Variants in FAF1 observed in about 807,000 individuals in gnomAD.
FAF1 encodes Fas associated factor 1.
FAF1 carries 25 observed loss-of-function variants against 92.5 expected under a neutral mutation model. The observed-to-expected ratio is 0.27, with a 90% confidence interval of 0.20 to 0.38. The LOEUF (loss-of-function observed/expected upper bound fraction) is 0.38, where lower values mean the gene tolerates loss of function less well. FAF1 is among the 10% of genes least tolerant of loss of function. FAF1 has a pLI of 1.00. For synonymous variants in FAF1, 234 were observed against 273.2 expected (o/e 0.86, Z 1.42); for missense variants, 636 against 793.3 (o/e 0.80, Z 2.38).
chr1:50,519,415 AGAAGGAAG>A lies in FAF1; in HGVS notation c.1494+15946_1494+15953del, dbSNP rs144253773. Among the ~76,000 whole-genome samples the A allele has an allele frequency of 2.8e-3, 251 of 90,224 alleles. 5 individuals are homozygous for A. The highest frequency in any genetic ancestry group is 2.3e-3 in the Admixed American group (20 of 8,574). 59.2% of individuals were successfully genotyped at this position (90,224 alleles called of 152,430 possible). ...GGGAGGGAAGGAGGGAGGGAGGGAG[AGAAGGAAG>A]GAAGGAAGGAAGGAAGGAGGAGGGA... On this transcript the variant is annotated intron_variant, in intron 15 of 18. Transcript: ENST00000396153.
At chr1:50,636,648 G>A (rs1347284838) in intron 8 of FAF1, among the ~76,000 whole-genome samples, 5 of 152,096 alleles carry the variant, frequency 3.3e-5, no homozygotes, top group Admixed American at 1.3e-4. Context: ...GAGCCACCGC[G>A]CCTGGCCTTG....
At chr1:50,760,406 A>G (rs1047717229) in intron 4 of FAF1, among the ~76,000 whole-genome samples, 12 of 152,170 alleles carry the variant, frequency 7.9e-5, no homozygotes, top group Admixed American at 6.5e-4. Context: ...ACCACAACAC[A>G]CTTATTCCAA....
At position 50,706,050 on chromosome 1, in the gene FAF1, C is replaced by T. The variant is rs1657661575; in HGVS notation, c.552-159G>A. 5.5e-6 allele frequency: 3 copies of T among 549,480 alleles called. No individual in the cohort carries two copies. In the South Asian group the frequency reaches 8.2e-5, roughly 15 times the overall value. The allele number at this position is 549,480 out of a possible 1,614,324, so 34.0% of individuals were successfully genotyped here. ...CAGCTCCTAAAGGCAAGAGAACACA[C>T]TGAGAACAACCAAGGGGAGCTAACC... On this transcript the variant is annotated intron_variant, in intron 6 of 18. Transcript: ENST00000396153.
At chr1:50,559,667 A>G (rs1163173764) in intron 13 of FAF1, among the ~76,000 whole-genome samples, 1 of 152,216 alleles carries the variant, frequency 6.6e-6, no homozygotes, top group Non-Finnish European at 1.5e-5. Flanking sequence ...TAAGACCGCC[A>G]CTAAAAATCA....
intron 8 of FAF1, among the ~76,000 whole-genome samples, chr1:50,624,071 A>C (rs1569608614): frequency 6.6e-6 from 1 of 152,240 alleles, no homozygotes; most frequent in Non-Finnish European, 1.5e-5. Context: ...ACTGTATGCT[A>C]GTGTTGCCAC....
rs1029119237 is a variant in FAF1 at position 50,803,303 on chromosome 1, A to G, written c.115-1626T>C. On this transcript the variant is annotated intron_variant, in intron 2 of 18. Transcript: ENST00000396153. ...AGAAAGATTTGGTTCAAATCTTTCA[A>G]AAAACATTTTCACTGAGGAATGCCA... Among the ~76,000 whole-genome samples the G allele has an allele frequency of 8.5e-5, 13 of 152,310 alleles. 1 individual carries two copies. In the Middle Eastern group the frequency reaches 0.01, roughly 120 times the overall value.
intron 2 of FAF1, among the ~76,000 whole-genome samples, chr1:50,828,258 T>C (rs943052782): frequency 1.3e-5 from 2 of 149,474 alleles, no homozygotes; most frequent in African/African-American, 5.1e-5. Flanking sequence ...AAGGGTCTTT[T>C]CTTTTTTTTT....
intron 2 of FAF1, among the ~76,000 whole-genome samples, chr1:50,851,605 G>C (rs932841200): frequency 1.3e-5 from 2 of 152,150 alleles, no homozygotes; most frequent in Admixed American, 1.3e-4. Flanking sequence ...ATGGGCACCA[G>C]CGTGTTCTGC....
intron 3 of FAF1, among the ~76,000 whole-genome samples, chr1:50,793,369 C>T (rs6656410): frequency 0.066 from 10,070 of 152,182 alleles, 436 homozygotes; most frequent in Non-Finnish European, 0.1. Flanking sequence ...TAGATGCTAA[C>T]TCTAAAATGA....
intron 6 of FAF1, among the ~76,000 whole-genome samples, chr1:50,719,520 T>G (rs1190239448): frequency 6.6e-6 from 1 of 152,256 alleles, no homozygotes; most frequent in Non-Finnish European, 1.5e-5. Context: ...CTCAGGTCTA[T>G]AATTACTGTT....
At position 50,816,665 on chromosome 1, in the gene FAF1, C is replaced by T. The variant is rs183283819; in HGVS notation, c.115-14988G>A. Among the ~76,000 whole-genome samples the T allele has an allele frequency of 4.0e-4, 61 of 152,188 alleles. No individual in the cohort carries two copies. In the East Asian group the frequency reaches 0.01, roughly 26 times the overall value. Reference sequence around the variant, plus strand: ...TACTATATTGATAGCTTCTTTTGCTCGGCAGAAGCTCTTTAGTTTAATTAG... The same window carrying T: ...TACTATATTGATAGCTTCTTTTGCTTGGCAGAAGCTCTTTAGTTTAATTAG... On this transcript the variant is annotated intron_variant, in intron 2 of 18. Coordinates refer to ENST00000396153, the MANE Select transcript of FAF1 (RefSeq NM_007051.3).
At chr1:50,529,609 AACCCAGC>A (rs1648032734) in intron 15 of FAF1, among the ~76,000 whole-genome samples, 1 of 152,170 alleles carries the variant, frequency 6.6e-6, no homozygotes, top group Non-Finnish European at 1.5e-5. Flanking sequence ...CAGAAGAAAG[AACCCAGC>A]ATGTAGCAGG....
intron 1 of FAF1, among the ~76,000 whole-genome samples, chr1:50,928,552 G>C (rs1025894919): frequency 6.6e-6 from 1 of 151,942 alleles, no homozygotes; most frequent in Non-Finnish European, 1.5e-5. Flanking sequence ...GGGAGATCAA[G>C]GTGGGCGGAT....
chr1:50,665,805 C>T (rs1432087920), intron 7 of FAF1, among the ~76,000 whole-genome samples: 1 of 152,052 alleles, frequency 6.6e-6, no homozygotes, highest in African/African-American at 2.4e-5. Context: ...AACCAGGTTA[C>T]AAAATAATAT....
At chr1:50,453,377 G>C (rs1448325453) in intron 18 of FAF1, among the ~76,000 whole-genome samples, 1 of 152,164 alleles carries the variant, frequency 6.6e-6, no homozygotes, top group Non-Finnish European at 1.5e-5. Context: ...TCAAGAGCTG[G>C]GGCTTTGAAC....
At chr1:50,795,167 T>C (rs960479817) in intron 3 of FAF1, among the ~76,000 whole-genome samples, 1 of 152,194 alleles carries the variant, frequency 6.6e-6, no homozygotes, top group African/African-American at 2.4e-5. Context: ...AGAGAAACTA[T>C]GGAGTGCCTA....
intron 6 of FAF1, among the ~76,000 whole-genome samples, chr1:50,718,489 C>T (rs1205622664): frequency 6.6e-6 from 1 of 152,200 alleles, no homozygotes; most frequent in East Asian, 1.9e-4. Flanking sequence ...AAAGTACTAA[C>T]ATCAATACAG....
At chr1:50,472,418 CA>C (rs1646587016) in intron 18 of FAF1, among the ~76,000 whole-genome samples, 4 of 140,542 alleles carry the variant, frequency 2.8e-5, no homozygotes, top group East Asian at 2.0e-4. Flanking sequence ...CACACACACA[CA>C]CACAAACCCC....
intron 1 of FAF1, among the ~76,000 whole-genome samples, chr1:50,863,988 C>T (rs1221836531): frequency 9.2e-5 from 14 of 151,922 alleles, no homozygotes; most frequent in Admixed American, 3.9e-4. Flanking sequence ...AGTTTATTTG[C>T]GTAGAGGTGT....
Sources: allele counts gnomAD v4.1 joint callset (sites outside exome capture counted in the v4.1 genomes callset), GRCh38; gene constraint gnomAD v4.1.1; transcripts MANE v1.5; gene names NCBI Gene and HGNC (gene_info 2026-07-23, HGNC 2026-07-21).